Variants in NEGR1 observed in about 807,000 individuals in gnomAD.
NEGR1 encodes IgLON family member 4.
A neutral mutation model predicts 40.9 loss-of-function variants in NEGR1; 10 were observed. The observed-to-expected ratio is 0.24, with a 90% CI of 0.15 to 0.42. The LOEUF (loss-of-function observed/expected upper bound fraction) is 0.42. Among genes scored for constraint, NEGR1 ranks in the 10% least tolerant of loss-of-function variants. The pLI, the probability that NEGR1 is intolerant of heterozygous loss-of-function variation, is 1.00. For missense variants in NEGR1, 352 were observed against 438.9 expected, an observed-to-expected ratio of 0.80 and a Z score of 1.77; for synonymous variants, 185 against 166.8, an observed-to-expected ratio of 1.11 and a Z score of -0.84.
chr1:71,798,410 C>G (rs1176787594), intron 2 of NEGR1: 1 of 151,938 alleles, frequency 6.6e-6, no homozygotes, highest in Non-Finnish European at 1.5e-5. Flanking sequence ...AGAAAGATGA[C>G]AAAGCTAAGA....
chr1:72,063,363 G>A (rs1647206481), intron 1 of NEGR1, among the ~76,000 whole-genome samples: 2 of 151,738 alleles, frequency 1.3e-5, no homozygotes, highest in African/African-American at 4.8e-5. Flanking sequence ...TGGAAGTAAT[G>A]GCAAAAACCA....
intron 1 of NEGR1, among the ~76,000 whole-genome samples, chr1:71,963,406 T>C (rs912830145): frequency 6.6e-6 from 1 of 152,154 alleles, no homozygotes; most frequent in African/African-American, 2.4e-5. Context: ...AGGTGGAGGT[T>C]GGTTGGTCTT....
chr1:71,648,512 A>G (rs528345002), intron 4 of NEGR1, among the ~76,000 whole-genome samples: 292 of 152,204 alleles, frequency 1.9e-3, no homozygotes, highest in African/African-American at 6.7e-3. Flanking sequence ...AGATGTTTCC[A>G]TCTTGTAAAA....
intron 1 of NEGR1, among the ~76,000 whole-genome samples, chr1:72,214,747 T>C (rs1446362285): frequency 2.0e-5 from 3 of 151,846 alleles, no homozygotes; most frequent in African/African-American, 7.3e-5. Context: ...TCCATGCTTA[T>C]AGGAAGAATC....
chr1:72,056,138 T>G (rs371618152), intron 1 of NEGR1, among the ~76,000 whole-genome samples: 1 of 151,246 alleles, frequency 6.6e-6, no homozygotes, highest in African/African-American at 2.4e-5. Flanking sequence ...TTCCAGAAAG[T>G]GTAATTACGT....
intron 4 of NEGR1, among the ~76,000 whole-genome samples, chr1:71,631,903 CA>C (rs944460470): frequency 1.3e-5 from 2 of 151,618 alleles, no homozygotes; most frequent in African/African-American, 4.8e-5. Flanking sequence ...AAGGGGTTTG[CA>C]TTAAGGAGTA....
intron 1 of NEGR1, among the ~76,000 whole-genome samples, chr1:72,024,807 C>A (rs1003802251): frequency 2.2e-4 from 34 of 152,170 alleles, no homozygotes; most frequent in African/African-American, 7.2e-4. Context: ...GCTCCCTAAA[C>A]CTGACGATTA....
At chr1:72,272,387 G>C (rs908418701) in intron 1 of NEGR1, among the ~76,000 whole-genome samples, 1 of 151,550 alleles carries the variant, frequency 6.6e-6, no homozygotes, top group Non-Finnish European at 1.5e-5. Context: ...ATATTAATTT[G>C]AAAATACTTT....
intron 1 of NEGR1, among the ~76,000 whole-genome samples, chr1:71,995,307 G>A (rs751391771): frequency 1.3e-5 from 2 of 151,962 alleles, no homozygotes; most frequent in Non-Finnish European, 2.9e-5. Context: ...AAACCCCTTC[G>A]TGCCATGTCT....
intron 3 of NEGR1, among the ~76,000 whole-genome samples, chr1:71,706,219 T>C (rs12142659): frequency 0.21 from 32,220 of 152,056 alleles, 4,438 homozygotes; most frequent in Middle Eastern, 0.31. Flanking sequence ...CTCAGTGCTG[T>C]CTTGTTAGAG....
At chr1:71,662,879 A>G (rs1441702900) in intron 4 of NEGR1, among the ~76,000 whole-genome samples, 10 of 151,978 alleles carry the variant, frequency 6.6e-5, no homozygotes, top group African/African-American at 2.2e-4. Flanking sequence ...CCTAAAATAT[A>G]TCAAAGTATT....
At chr1:71,884,226 GT>G (rs1185011853) in intron 2 of NEGR1, among the ~76,000 whole-genome samples, 2 of 151,562 alleles carry the variant, frequency 1.3e-5, no homozygotes, top group Non-Finnish European at 2.9e-5. Flanking sequence ...AATTGTGTTT[GT>G]TTTTTTTCCT....
At chr1:71,657,426 TTATGTCCC>T (rs1326025141) in intron 4 of NEGR1, among the ~76,000 whole-genome samples, 4 of 152,228 alleles carry the variant, frequency 2.6e-5, no homozygotes, top group African/African-American at 9.6e-5. Flanking sequence ...TTTCATTGCT[TTATGTCCC>T]TATGAAACCA....
chr1:71,725,235 T>C (rs920612377), intron 3 of NEGR1, among the ~76,000 whole-genome samples: 3 of 152,160 alleles, frequency 2.0e-5, no homozygotes, highest in African/African-American at 2.4e-5. Context: ...ATCAGACTTT[T>C]ATACTTGGTC....
intron 2 of NEGR1, among the ~76,000 whole-genome samples, chr1:71,846,392 C>CACACACAA (rs1659413536): frequency 7.1e-6 from 1 of 140,602 alleles, no homozygotes; most frequent in African/African-American, 2.7e-5. Context: ...CCCACACACA[C>CACACACAA]ACACACACAC....
At chr1:72,099,770 T>A (rs1210069329) in intron 1 of NEGR1, among the ~76,000 whole-genome samples, 1 of 151,948 alleles carries the variant, frequency 6.6e-6, no homozygotes, top group African/African-American at 2.4e-5. Flanking sequence ...ATTTTAAACA[T>A]GTTCTACATA....
chr1:71,729,736 G>A (rs1240980069), intron 3 of NEGR1, among the ~76,000 whole-genome samples: 1 of 152,050 alleles, frequency 6.6e-6, no homozygotes, highest in East Asian at 1.9e-4. Flanking sequence ...TGGGGCTCAA[G>A]TGATTCTTCC....
chr1:71,409,028 C>T (rs1646298771), intron 6 of NEGR1: 1 of 151,966 alleles, frequency 6.6e-6, no homozygotes, highest in Non-Finnish European at 1.5e-5. Context: ...GGGATTTGAA[C>T]ACTGAGACTA....
At position 71,709,369 on chromosome 1, in the gene NEGR1, T is replaced by C. The variant is rs189940554; in HGVS notation, c.536-11230A>G. ...CTGGTGTGAGATGGTATCAACTCAT[T>C]GTGTTTCTGATTTGCATTTATCTAA... On this transcript the variant is annotated intron_variant, in intron 3 of 6. Coordinates refer to ENST00000357731, the MANE Select transcript of NEGR1 (RefSeq NM_173808.3). 3.3e-5 allele frequency among the ~76,000 whole-genome samples: 5 copies of C among 152,324 alleles called. No individual in the cohort carries two copies. In the East Asian group the frequency reaches 7.7e-4, roughly 24 times the overall value.
Sources: allele counts gnomAD v4.1 joint callset (sites outside exome capture counted in the v4.1 genomes callset), GRCh38; gene constraint gnomAD v4.1.1; transcripts MANE v1.5; gene names NCBI Gene and HGNC (gene_info 2026-07-23, HGNC 2026-07-21).